Variants in HECW2 observed in about 807,000 individuals in gnomAD.
The protein encoded by HECW2 is E3 ubiquitin-protein ligase HECW2.
Under a neutral mutation model 175.2 loss-of-function variants are expected in HECW2, and 61 were observed. The observed-to-expected ratio is 0.35, with a 90% CI of 0.28 to 0.43. The LOEUF is 0.43. Among genes scored for constraint, HECW2 ranks in the 20% least tolerant of loss-of-function variants. The probability of loss-of-function intolerance (pLI) is 1.00; values close to 1 mark genes in which losing one functional copy is unlikely to be tolerated. For synonymous variants in HECW2, 671 were observed against 731.0 expected, an observed-to-expected ratio of 0.92 and a Z score of 1.32; for missense variants, 1,524 against 2,000.5, an observed-to-expected ratio of 0.76 and a Z score of 4.54.
At chr2:196,563,385 G>C (rs1054473468) in intron 1 of HECW2, among the ~76,000 whole-genome samples, 5 of 152,180 alleles carry the variant, frequency 3.3e-5, no homozygotes, top group Non-Finnish European at 5.9e-5. Flanking sequence ...GGCCAAAATG[G>C]CAAAACCCCG....
chr2:196,261,944 T>C (rs555991113), intron 17 of HECW2, among the ~76,000 whole-genome samples: 5 of 152,230 alleles, frequency 3.3e-5, no homozygotes, highest in Non-Finnish European at 7.3e-5. Context: ...ATAACAAGTT[T>C]GAGAAATGTT....
rs545149124 is a variant in HECW2 at position 196,206,403 on chromosome 2, C to T, written c.4608-5015G>A. Among the ~76,000 whole-genome samples, 8 of 152,284 alleles carry T rather than the reference C, an allele frequency of 5.3e-5. No homozygotes were observed. In the South Asian group the frequency reaches 1.7e-3, roughly 32 times the overall value. On this transcript the variant is annotated intron_variant, in intron 28 of 28. Transcript: ENST00000644978. The stretch of plus-strand genomic sequence containing the variant: ...TGTTAATCAGGAGGTCACATGCTTA[C>T]CCTCCCTTTTTCCCTACAGATAGAC...
intron 18 of HECW2, among the ~76,000 whole-genome samples, chr2:196,257,216 C>A (rs1039977326): frequency 2.0e-5 from 3 of 152,104 alleles, no homozygotes; most frequent in Admixed American, 1.3e-4. Context: ...TGAAAACTTG[C>A]CAGTTTCCTT....
At chr2:196,499,150 C>G (rs1166588387) in intron 1 of HECW2, among the ~76,000 whole-genome samples, 3 of 152,156 alleles carry the variant, frequency 2.0e-5, no homozygotes, top group East Asian at 3.8e-4. Context: ...AACGCTTTCT[C>G]TGCTGCAATA....
rs16849975 is a variant in HECW2 at position 196,344,184 on chromosome 2, C to T, written c.293-420G>A. On this transcript the variant is annotated intron_variant, in intron 2 of 28. Transcript: ENST00000644978. ...TTCAAGATGGGATGAACAAAAGGGA[C>T]GTTAAGCTACGAAAGTGAGTCAAGA... 1.3e-5 allele frequency among the ~76,000 whole-genome samples: 2 copies of T among 151,920 alleles called. 1 individual carries two copies. The highest frequency in any genetic ancestry group is 2.9e-5 in the Non-Finnish European group (2 of 67,996).
At chr2:196,374,475 A>G (rs964021043) in intron 2 of HECW2, among the ~76,000 whole-genome samples, 3 of 152,230 alleles carry the variant, frequency 2.0e-5, no homozygotes, top group African/African-American at 7.2e-5. Context: ...ATCAGAAAAG[A>G]AACGCTTCAT....
rs1337364655 is a variant in HECW2 at position 196,199,490 on chromosome 2, A to G, written c.*1787T>C. 1.3e-5 allele frequency: 2 copies of G among 152,574 alleles called. No individual in the cohort carries two copies. The highest frequency in any genetic ancestry group is 2.9e-5 in the Non-Finnish European group (2 of 68,018). 9.5% of individuals were successfully genotyped at this position (152,574 alleles called of 1,614,324 possible). Reference sequence around the variant, plus strand: ...GGGTCCCAGTAGTAAACATAGCTTAACTCACAGGAGAGCAATCAGTTCTTA... The same window carrying G: ...GGGTCCCAGTAGTAAACATAGCTTAGCTCACAGGAGAGCAATCAGTTCTTA... On this transcript the variant is annotated 3_prime_UTR_variant, in exon 29 of 29. Transcript: ENST00000644978.
rs1377630598 is a variant in HECW2 at position 196,197,343 on chromosome 2, AG to A, written c.*3933del. 1 of 150,452 alleles carries A rather than the reference AG, an allele frequency of 6.6e-6. No homozygotes were observed. Among genetic ancestry groups the A allele is most frequent in the East Asian group, 1.9e-4 (1 of 5,182 alleles). 9.3% of individuals were successfully genotyped at this position (150,452 alleles called of 1,614,324 possible). A position where few individuals can be genotyped will look rare whatever the true frequency, so the allele number is the denominator to read the frequency against. On this transcript the variant is annotated 3_prime_UTR_variant, in exon 29 of 29. Coordinates refer to ENST00000644978, the MANE Select transcript of HECW2 (RefSeq NM_001348768.2). ...ATTTTATCACTGGAACTCAGCTATTAGGGCTTACTAGATCCATCCCTATTAA... is the reference window on the plus strand; with the variant it reads ...ATTTTATCACTGGAACTCAGCTATTAGGCTTACTAGATCCATCCCTATTAA...
intron 1 of HECW2, among the ~76,000 whole-genome samples, chr2:196,462,568 T>C (rs1257518051): frequency 6.6e-6 from 1 of 152,178 alleles, no homozygotes; most frequent in African/African-American, 2.4e-5. Flanking sequence ...AAAACAGGTA[T>C]CTTTTTTATT....
intron 2 of HECW2, among the ~76,000 whole-genome samples, chr2:196,357,981 A>G (rs1180603417): frequency 6.6e-6 from 1 of 152,160 alleles, no homozygotes; most frequent in Non-Finnish European, 1.5e-5. Context: ...ACACCAACAG[A>G]AGTACATTTT....
intron 15 of HECW2, among the ~76,000 whole-genome samples, chr2:196,274,405 C>G (rs895011505): frequency 2.6e-5 from 4 of 152,176 alleles, no homozygotes; most frequent in Admixed American, 2.0e-4. Flanking sequence ...CTTATAATTA[C>G]TGAGGCTGCA....
chr2:196,574,575 GAATT>G (rs1168310473), intron 1 of HECW2, among the ~76,000 whole-genome samples: 2 of 152,140 alleles, frequency 1.3e-5, no homozygotes, highest in Admixed American at 6.5e-5. Context: ...TGGATTGGAA[GAATT>G]AATAACATTA....
chr2:196,429,042 G>A (rs180925143), intron 2 of HECW2, among the ~76,000 whole-genome samples: 1 of 152,244 alleles, frequency 6.6e-6, no homozygotes, highest in East Asian at 1.9e-4. Context: ...TCAAGAAATC[G>A]TGTCTTTTCA....
At chr2:196,322,921 C>A (rs1158963221) in intron 6 of HECW2, among the ~76,000 whole-genome samples, 1 of 152,188 alleles carries the variant, frequency 6.6e-6, no homozygotes, top group East Asian at 1.9e-4. Flanking sequence ...ATGCACAATG[C>A]AATTTTAGTA....
chr2:196,444,840 G>A (rs1031730133), intron 1 of HECW2, among the ~76,000 whole-genome samples: 1 of 152,176 alleles, frequency 6.6e-6, no homozygotes, highest in Non-Finnish European at 1.5e-5. Context: ...GGTGGCTCTG[G>A]GGGTCAGGGA....
intron 10 of HECW2, among the ~76,000 whole-genome samples, chr2:196,312,839 G>C (rs1691550494): frequency 6.6e-6 from 1 of 152,146 alleles, no homozygotes. Flanking sequence ...TGTAACCTTA[G>C]AGAATAAGAG....
At chr2:196,413,435 T>A (rs988943274) in intron 2 of HECW2, among the ~76,000 whole-genome samples, 16 of 152,000 alleles carry the variant, frequency 1.1e-4, no homozygotes, top group African/African-American at 3.9e-4. Context: ...AACCTCCGCC[T>A]CCCAGGTTCA....
intron 1 of HECW2, among the ~76,000 whole-genome samples, chr2:196,521,279 T>C (rs185120145): frequency 5.3e-3 from 89 of 16,848 alleles, no homozygotes; most frequent in Non-Finnish European, 9.2e-3. Flanking sequence ...GAAACGTGAG[T>C]AACAAAAAAA....
chr2:196,581,318 TG>T (rs1690772386), intron 1 of HECW2, among the ~76,000 whole-genome samples: 1 of 152,110 alleles, frequency 6.6e-6, no homozygotes, highest in Admixed American at 6.5e-5. Context: ...GAGAATCACT[TG>T]AGGTCAGGAG....
Sources: allele counts gnomAD v4.1 joint callset (sites outside exome capture counted in the v4.1 genomes callset), GRCh38; gene constraint gnomAD v4.1.1; transcripts MANE v1.5; gene names NCBI Gene and HGNC (gene_info 2026-07-23, HGNC 2026-07-21).